Variants in FOXN3 observed in about 807,000 individuals in gnomAD.
FOXN3 encodes forkhead box N3, also known as forkhead box protein N3.
In FOXN3, 7 loss-of-function variants were observed where a neutral mutation model predicts 38.4. That is an observed-to-expected ratio of 0.18 (90% CI 0.10 to 0.34). FOXN3 has a LOEUF of 0.34. Ranked by LOEUF, FOXN3 falls within the 10% of genes least tolerant of loss-of-function variation. The pLI, the probability that FOXN3 is intolerant of heterozygous loss-of-function variation, is 1.00. For synonymous variants in FOXN3, 230 were observed against 242.2 expected (o/e 0.95, Z 0.47); for missense variants, 456 against 613.4 (o/e 0.74, Z 2.71).
At chr14:89,514,891 C>G (rs1161713349) in intron 1 of FOXN3, among the ~76,000 whole-genome samples, 2 of 151,840 alleles carry the variant, frequency 1.3e-5, no homozygotes, top group Non-Finnish European at 2.9e-5. Flanking sequence ...ATCGAGATGG[C>G]TAAAACAACC....
At chr14:89,185,282 GT>G (rs1029021250) in intron 4 of FOXN3, among the ~76,000 whole-genome samples, 72 of 152,238 alleles carry the variant, frequency 4.7e-4, no homozygotes, top group Middle Eastern at 3.4e-3. Context: ...TCTCCTTTCT[GT>G]CCCCATCCCC....
At chr14:89,255,578 T>C (rs1335135874) in intron 4 of FOXN3, among the ~76,000 whole-genome samples, 1 of 151,974 alleles carries the variant, frequency 6.6e-6, no homozygotes, top group Non-Finnish European at 1.5e-5. Context: ...CATCCAACAC[T>C]CTTCTCCTGG....
intron 1 of FOXN3, among the ~76,000 whole-genome samples, chr14:89,515,741 G>GA (rs1294835985): frequency 2.6e-5 from 4 of 151,290 alleles, no homozygotes; most frequent in African/African-American, 4.9e-5. Flanking sequence ...GTCTCAAAAA[G>GA]AAAAAAAACA....
At chr14:89,445,770 C>T (rs1892479561) in intron 1 of FOXN3, among the ~76,000 whole-genome samples, 1 of 152,070 alleles carries the variant, frequency 6.6e-6, no homozygotes, top group African/African-American at 2.4e-5. Context: ...CTGACTCATT[C>T]AAAGTCTCAC....
chr14:89,367,376 C>T (rs1023065771), intron 2 of FOXN3, among the ~76,000 whole-genome samples: 37 of 152,320 alleles, frequency 2.4e-4, no homozygotes, highest in Admixed American at 1.4e-3. Context: ...TGGCGGCACC[C>T]GGCTCCAAAG....
upstream of FOXN3, chr14:89,419,079 T>C (rs1008011830): frequency 9.4e-5 from 43 of 455,610 alleles, no homozygotes; most frequent in Non-Finnish European, 1.9e-4. Context: ...AAGGTGATTG[T>C]ACATGGAATA....
At chr14:89,547,332 G>A (rs1004678595) in intron 1 of FOXN3, among the ~76,000 whole-genome samples, 2 of 151,930 alleles carry the variant, frequency 1.3e-5, no homozygotes, top group African/African-American at 4.8e-5. Context: ...TTGGCTCACT[G>A]CAACCTCTGC....
intron 3 of FOXN3, among the ~76,000 whole-genome samples, chr14:89,330,581 G>C (rs1888219065): frequency 6.6e-6 from 1 of 152,198 alleles, no homozygotes; most frequent in South Asian, 2.1e-4. Context: ...AGAGAGAAAA[G>C]GCTATTTGTT....
At chr14:89,585,692 T>A (rs545093701) in intron 1 of FOXN3, among the ~76,000 whole-genome samples, 1 of 145,970 alleles carries the variant, frequency 6.9e-6, no homozygotes, top group Non-Finnish European at 1.5e-5. Flanking sequence ...TATTTACAAC[T>A]AACTGATCAC....
chr14:89,421,701 A>AT (rs968305008), upstream of FOXN3, among the ~76,000 whole-genome samples: 2 of 143,812 alleles, frequency 1.4e-5, no homozygotes, highest in Non-Finnish European at 3.1e-5. Flanking sequence ...TAATTTTTGT[A>AT]TTTTTTTAGT....
intron 2 of FOXN3, among the ~76,000 whole-genome samples, chr14:89,383,183 T>C (rs113827862): frequency 0.04 from 6,090 of 152,202 alleles, 178 homozygotes; most frequent in Non-Finnish European, 0.059. Flanking sequence ...GTAATTCATA[T>C]GCTTTCATCT....
rs184992902 is a variant in FOXN3, at chr14:89,573,832, G to T, written c.-15+45196C>A. Among the ~76,000 whole-genome samples the T allele has an allele frequency of 2.6e-5, 4 of 152,226 alleles. No individual in the cohort carries two copies. In the East Asian group the frequency reaches 7.7e-4, roughly 29 times the overall value. ...TCTTTTTGGAAGCCCATAAGTTCGA[G>T]ACCAGCCTGAGCAACATGGGGAGAC... On this transcript the variant is annotated intron_variant, in intron 1 of 6. Transcript: ENST00000345097.
At chr14:89,390,563 T>C (rs1292520101) in intron 2 of FOXN3, among the ~76,000 whole-genome samples, 1 of 150,942 alleles carries the variant, frequency 6.6e-6, no homozygotes, top group Non-Finnish European at 1.5e-5. Flanking sequence ...TGACGAGCAG[T>C]ATCATTTAGT....
intron 2 of FOXN3, among the ~76,000 whole-genome samples, chr14:89,357,366 G>A (rs572516811): frequency 6.6e-6 from 1 of 152,308 alleles, no homozygotes; most frequent in African/African-American, 2.4e-5. Context: ...CAACACTTCA[G>A]GAGGCTGAAG....
intron 1 of FOXN3, among the ~76,000 whole-genome samples, chr14:89,581,124 G>T (rs1241278580): frequency 2.0e-5 from 3 of 152,200 alleles, no homozygotes; most frequent in South Asian, 2.1e-4. Flanking sequence ...CGAGGCCACA[G>T]TGAGCCATTA....
At chr14:89,502,392 G>A (rs1893821933) in intron 1 of FOXN3, among the ~76,000 whole-genome samples, 1 of 152,086 alleles carries the variant, frequency 6.6e-6, no homozygotes, top group Non-Finnish European at 1.5e-5. Context: ...AGCAAATGTT[G>A]AGCTCTGCCA....
At position 89,294,575 on chromosome 14, in the gene FOXN3, C is replaced by T. The variant is rs144363109; in HGVS notation, c.681-13561G>A. On this transcript the variant is annotated intron_variant, in intron 3 of 5. Coordinates refer to ENST00000557258, the MANE Select transcript of FOXN3 (RefSeq NM_005197.4). Reference sequence around the variant, plus strand: ...GTCACAGGATGAGACAGGAGGTCGGCACAAGATGCAGGTCACAAAGACCTT... The same window carrying T: ...GTCACAGGATGAGACAGGAGGTCGGTACAAGATGCAGGTCACAAAGACCTT... 1.5e-3 allele frequency among the ~76,000 whole-genome samples: 231 copies of T among 152,236 alleles called. 2 individuals carry two copies. The highest frequency in any genetic ancestry group is 5.3e-3 in the African/African-American group (221 of 41,536).
At chr14:89,298,073 A>G (rs1356931825) in intron 3 of FOXN3, among the ~76,000 whole-genome samples, 3 of 152,232 alleles carry the variant, frequency 2.0e-5, no homozygotes, top group Non-Finnish European at 4.4e-5. Flanking sequence ...CGATGGATGC[A>G]TGGATAGACA....
intron 1 of FOXN3, among the ~76,000 whole-genome samples, chr14:89,611,981 A>AT (rs1896403193): frequency 6.6e-6 from 1 of 151,768 alleles, no homozygotes; most frequent in Non-Finnish European, 1.5e-5. Flanking sequence ...AGGGAACTCC[A>AT]TTTTCTGTGT....
Sources: allele counts gnomAD v4.1 joint callset (sites outside exome capture counted in the v4.1 genomes callset), GRCh38; gene constraint gnomAD v4.1.1; transcripts MANE v1.5; gene names NCBI Gene and HGNC (gene_info 2026-07-23, HGNC 2026-07-21).